Variants in MAD1L1 observed in about 807,000 individuals in gnomAD.
MAD1L1 encodes the protein mitotic spindle assembly checkpoint protein MAD1.
A neutral mutation model predicts 96.9 loss-of-function variants in MAD1L1; 95 were observed. The ratio of observed to expected loss-of-function variants is 0.98; its 90% CI spans 0.83 to 1.16. MAD1L1 has a LOEUF of 1.16. Ranked by LOEUF, MAD1L1 falls within the 50% of genes most tolerant of loss-of-function variation. The pLI is 0.00. For synonymous variants in MAD1L1, 473 were observed against 396.6 expected (o/e 1.19, Z -2.29); for missense variants, 1,007 against 954.4 (o/e 1.06, Z -0.73).
intron 18 of MAD1L1, among the ~76,000 whole-genome samples, chr7:1,852,203 C>G (rs1313391092): frequency 6.6e-6 from 1 of 152,220 alleles, no homozygotes; most frequent in Non-Finnish European, 1.5e-5. Flanking sequence ...TGACCCAGCA[C>G]TGGGCGAGGA....
In MAD1L1 at chr7:1,939,063, C is replaced by T. The variant is rs1211528177; in HGVS notation, c.1597-2166G>A. On this transcript the variant is annotated intron_variant, in intron 16 of 18. Coordinates refer to ENST00000265854, the MANE Select transcript of MAD1L1 (RefSeq NM_001013836.2). ...GGCCAGAGGCACACACACACACACA[C>T]GGGCCAGAGCCGGGACCAGAGGCGC... is the stretch of plus-strand genomic sequence containing the variant. 2.7e-4 allele frequency among the ~76,000 whole-genome samples: 28 copies of T among 105,542 alleles called. 1 individual carries two copies. The highest frequency in any genetic ancestry group is 1.8e-3 in the Admixed American group (18 of 9,856). The allele number at this position is 105,542 out of a possible 152,430, so 69.2% of individuals were successfully genotyped here. A position where few individuals can be genotyped will look rare whatever the true frequency, so the allele number is the denominator to read the frequency against.
At chr7:1,994,254 CGGTGAT>C in intron 14 of MAD1L1, among the ~76,000 whole-genome samples, 1 of 152,252 alleles carries the variant, frequency 6.6e-6, no homozygotes, top group East Asian at 1.9e-4. Context: ...ACGATGGTGG[CGGTGAT>C]GGTGAAGGTG....
At chr7:1,961,362 A>G (rs564573129) in intron 15 of MAD1L1, among the ~76,000 whole-genome samples, 6 of 152,370 alleles carry the variant, frequency 3.9e-5, no homozygotes, top group African/African-American at 1.4e-4. Flanking sequence ...CGTAGTAATC[A>G]CAACAGTGCA....
chr7:1,849,988 G>A (rs999431466), intron 18 of MAD1L1: 3 of 152,236 alleles, frequency 2.0e-5, no homozygotes, highest in African/African-American at 7.2e-5. Flanking sequence ...CTTCCTCCAA[G>A]GAAGAAACAG....
chr7:2,201,520 T>C (rs1792298171), intron 10 of MAD1L1, among the ~76,000 whole-genome samples: 1 of 152,238 alleles, frequency 6.6e-6, no homozygotes, highest in Middle Eastern at 3.4e-3. Flanking sequence ...TCCTCTAAAA[T>C]AAATCCTGGA....
chr7:2,198,535 G>A (rs533054475), intron 10 of MAD1L1, among the ~76,000 whole-genome samples: 8 of 152,348 alleles, frequency 5.3e-5, no homozygotes, highest in African/African-American at 1.9e-4. Flanking sequence ...CGTGATGGCC[G>A]TCCACCCGGG....
intron 18 of MAD1L1, among the ~76,000 whole-genome samples, chr7:1,828,623 C>A (rs1399230060): frequency 6.6e-6 from 1 of 152,206 alleles, no homozygotes; most frequent in Non-Finnish European, 1.5e-5. Context: ...ATTTCCTAAA[C>A]CGAGACCCAG....
intron 15 of MAD1L1, among the ~76,000 whole-genome samples, chr7:1,975,429 C>T (rs1780592429): frequency 6.6e-6 from 1 of 152,170 alleles, no homozygotes; most frequent in South Asian, 2.1e-4. Context: ...CAGGACAGAA[C>T]CAGGGAAAAC....
intron 11 of MAD1L1, among the ~76,000 whole-genome samples, chr7:2,102,230 C>T (rs970649120): frequency 1.3e-5 from 2 of 151,518 alleles, no homozygotes; most frequent in African/African-American, 2.4e-5. Context: ...CCGTCGCCAC[C>T]GCCACCACCA....
chr7:1,922,537 G>A (rs900491992), intron 17 of MAD1L1, among the ~76,000 whole-genome samples: 5 of 152,174 alleles, frequency 3.3e-5, no homozygotes, highest in African/African-American at 7.2e-5. Context: ...GGGTGAACTC[G>A]CTCGACTCGT....
intron 12 of MAD1L1, among the ~76,000 whole-genome samples, chr7:2,054,990 G>C (rs1296203841): frequency 1.3e-5 from 2 of 152,162 alleles, no homozygotes; most frequent in Non-Finnish European, 2.9e-5. Flanking sequence ...CGAGCGGTGG[G>C]GCCGGGACTC....
intron 18 of MAD1L1, among the ~76,000 whole-genome samples, chr7:1,816,460 T>TG (rs1781811351): frequency 6.6e-6 from 1 of 152,144 alleles, no homozygotes; most frequent in African/African-American, 2.4e-5. Context: ...CCCAGGCAGT[T>TG]GGGGGTCCCA....
chr7:2,223,862 C>G (rs750125043), intron 4 of MAD1L1, among the ~76,000 whole-genome samples: 3 of 152,192 alleles, frequency 2.0e-5, no homozygotes, highest in African/African-American at 4.8e-5. Context: ...TAGGTATTTC[C>G]AGGTGGAACT....
At position 2,090,812 on chromosome 7, in the gene MAD1L1, GC is replaced by G. The variant is rs561027185; in HGVS notation, c.1074-21475del. Among the ~76,000 whole-genome samples the G allele has an allele frequency of 2.4e-4, 37 of 152,248 alleles. No homozygotes were observed. In the East Asian group the frequency reaches 6.2e-3, roughly 25 times the overall value. Reference sequence around the variant, plus strand: ...GCTCCGGGAAGGTGCTGCCCACCAGGCCCCTCCAGGCAGGCAACGTTACCTT... The same window carrying G: ...GCTCCGGGAAGGTGCTGCCCACCAGGCCCTCCAGGCAGGCAACGTTACCTT... On this transcript the variant is annotated intron_variant, in intron 11 of 18. Transcript: ENST00000265854.
Position 2,048,165 on chromosome 7 carries a change from T to C in MAD1L1, c.1218+21029A>G, listed in dbSNP as rs1488305208. Among the ~76,000 whole-genome samples, 3 of 152,106 alleles carry C rather than the reference T, an allele frequency of 2.0e-5. No individual in the cohort carries two copies. The East Asian group carries it at 5.8e-4, about 29-fold the overall frequency. On this transcript the variant is annotated intron_variant, in intron 12 of 18. Coordinates refer to ENST00000265854, the MANE Select transcript of MAD1L1 (RefSeq NM_001013836.2). ...ACACTGAGCACCGACACGGGTGTGT[T>C]CATGAACACCCGGGTGCACGCATGT...
At chr7:2,139,919 T>A (rs1414303964) in intron 11 of MAD1L1, among the ~76,000 whole-genome samples, 1 of 152,030 alleles carries the variant, frequency 6.6e-6, no homozygotes, top group African/African-American at 2.4e-5. Flanking sequence ...TAGGCTTCAC[T>A]CCACCAAGTA....
chr7:1,851,808 C>T (rs1182443588), intron 18 of MAD1L1, among the ~76,000 whole-genome samples: 11 of 152,154 alleles, frequency 7.2e-5, no homozygotes, highest in South Asian at 2.1e-4. Flanking sequence ...TGATCTGTGA[C>T]GCCTGCCTGC....
chr7:1,939,139 G>A, intron 16 of MAD1L1, among the ~76,000 whole-genome samples: 1 of 124,878 alleles, frequency 8.0e-6, no homozygotes. Context: ...CACGGGCCAG[G>A]GCCGGGACCA....
chr7:2,213,147 G>A (rs962984981), intron 10 of MAD1L1, 65 bp downstream of exon 10: 3 of 1,543,492 alleles, frequency 1.9e-6, no homozygotes, highest in Non-Finnish European at 2.7e-6. Context: ...CCGGAAGCAG[G>A]CTCTGCTCTT....
Sources: allele counts gnomAD v4.1 joint callset (sites outside exome capture counted in the v4.1 genomes callset), GRCh38; gene constraint gnomAD v4.1.1; transcripts MANE v1.5; gene names NCBI Gene and HGNC (gene_info 2026-07-23, HGNC 2026-07-21).